PDSS2: variants seen among roughly 807,000 people sequenced by gnomAD.
PDSS2 encodes the protein all trans-polyprenyl-diphosphate synthase PDSS2.
PDSS2 carries 31 observed loss-of-function variants against 44.5 expected under a neutral mutation model. The observed-to-expected ratio is 0.70, with a 90% CI of 0.52 to 0.94. The LOEUF (loss-of-function observed/expected upper bound fraction) is 0.94, where lower values mean the gene tolerates loss of function less well. Among genes scored for constraint, PDSS2 ranks in the 40% least tolerant of loss-of-function variants. PDSS2 has a pLI of 0.00. For synonymous variants in PDSS2, 157 were observed against 180.3 expected, an observed-to-expected ratio of 0.87 and a Z score of 1.03; for missense variants, 452 against 482.2, an observed-to-expected ratio of 0.94 and a Z score of 0.59.
intron 2 of PDSS2, among the ~76,000 whole-genome samples, chr6:107,327,200 A>G (rs1777576073): frequency 6.6e-6 from 1 of 152,166 alleles, no homozygotes; most frequent in Non-Finnish European, 1.5e-5. Context: ...GATGTGGTCC[A>G]GCAGGTCCCT....
Position 107,304,936 on chromosome 6 carries a change from G to A in PDSS2, c.431+29262C>T, listed in dbSNP as rs556031113. On this transcript the variant is annotated intron_variant, in intron 2 of 7. Transcript: ENST00000369037. ...CTCTGGACTTCTGGATGCTCCTCTC[G>A]GTGGTGGGCAATACTTTCCTGCTCC... is the stretch of plus-strand genomic sequence containing the variant. 2.3e-3 allele frequency among the ~76,000 whole-genome samples: 344 copies of A among 151,860 alleles called. 2 individuals carry two copies. The highest frequency in any genetic ancestry group is 7.7e-3 in the African/African-American group (320 of 41,420).
At chr6:107,379,100 T>C (rs1779379484) in intron 1 of PDSS2, among the ~76,000 whole-genome samples, 1 of 152,236 alleles carries the variant, frequency 6.6e-6, no homozygotes, top group African/African-American at 2.4e-5. Flanking sequence ...GGATAGGGTA[T>C]CTATACAAAT....
intron 2 of PDSS2, among the ~76,000 whole-genome samples, chr6:107,304,297 G>A (rs1313847321): frequency 2.6e-5 from 4 of 152,228 alleles, no homozygotes; most frequent in African/African-American, 9.6e-5. Context: ...TCTGGGAGTT[G>A]CCAGAGGCAA....
At chr6:107,258,937 T>C in intron 3 of PDSS2, among the ~76,000 whole-genome samples, 1 of 152,340 alleles carries the variant, frequency 6.6e-6, no homozygotes, top group East Asian at 1.9e-4. Flanking sequence ...CAAAAATGTA[T>C]CATGGTTCTT....
chr6:107,337,399 C>T (rs1777939416), intron 1 of PDSS2, among the ~76,000 whole-genome samples: 1 of 152,158 alleles, frequency 6.6e-6, no homozygotes, highest in Non-Finnish European at 1.5e-5. Context: ...TTCCTTTGTA[C>T]AAAACCATTT....
At chr6:107,402,295 A>G (rs1780132203) in intron 1 of PDSS2, among the ~76,000 whole-genome samples, 1 of 149,820 alleles carries the variant, frequency 6.7e-6, no homozygotes, top group South Asian at 2.1e-4. Context: ...AAAACAAACC[A>G]ACAAACAAAC....
intron 2 of PDSS2, among the ~76,000 whole-genome samples, chr6:107,324,120 A>T (rs1325895613): frequency 6.6e-6 from 1 of 152,224 alleles, no homozygotes; most frequent in African/African-American, 2.4e-5. Flanking sequence ...GCATTTGTGC[A>T]TGCTGTGCAA....
chr6:107,378,844 A>C (rs998978133), intron 1 of PDSS2, among the ~76,000 whole-genome samples: 3 of 152,186 alleles, frequency 2.0e-5, no homozygotes, highest in Non-Finnish European at 4.4e-5. Flanking sequence ...TTCCCTCATG[A>C]TTAGACTGGG....
intron 2 of PDSS2, among the ~76,000 whole-genome samples, chr6:107,284,874 A>T (rs1776090296): frequency 6.6e-6 from 1 of 152,214 alleles, no homozygotes; most frequent in African/African-American, 2.4e-5. Flanking sequence ...CTATGTAAAA[A>T]TATTTTTGCA....
chr6:107,246,586 T>C (rs1336449652), intron 3 of PDSS2, among the ~76,000 whole-genome samples: 5 of 152,196 alleles, frequency 3.3e-5, no homozygotes. Context: ...ATTGAAGACA[T>C]TATTAAGCCA....
chr6:107,299,701 A>G (rs1776631575), intron 2 of PDSS2, among the ~76,000 whole-genome samples: 1 of 152,154 alleles, frequency 6.6e-6, no homozygotes, highest in South Asian at 2.1e-4. Flanking sequence ...GTTTTTCTAA[A>G]TGAAACCCCA....
At chr6:107,295,531 G>A (rs1776483444) in intron 2 of PDSS2, among the ~76,000 whole-genome samples, 1 of 152,106 alleles carries the variant, frequency 6.6e-6, no homozygotes, top group Non-Finnish European at 1.5e-5. Context: ...TATATAGACT[G>A]TTTCATGTAA....
intron 1 of PDSS2, among the ~76,000 whole-genome samples, chr6:107,366,406 T>C (rs1403242834): frequency 2.6e-5 from 4 of 152,004 alleles, no homozygotes; most frequent in Non-Finnish European, 5.9e-5. Flanking sequence ...AGTTATAGCA[T>C]ATTCTGAGGA....
Position 107,251,463 on chromosome 6 carries a change from G to C in PDSS2, c.631-5844C>G, listed in dbSNP as rs553642074. ...GGCACCCCTCAGCCTTTACTGCTTT[G>C]AGCTGCTAGCAAAGAAAACAGTCAT... On this transcript the variant is annotated intron_variant, in intron 3 of 7. Transcript: ENST00000369037. 2.6e-5 allele frequency among the ~76,000 whole-genome samples: 4 copies of C among 152,240 alleles called. No homozygotes were observed. The East Asian group carries it at 7.7e-4, about 29-fold the overall frequency.
chr6:107,454,957 A>G (rs1781988865), intron 1 of PDSS2, among the ~76,000 whole-genome samples: 1 of 152,152 alleles, frequency 6.6e-6, no homozygotes, highest in Admixed American at 6.5e-5. Flanking sequence ...TCCACACCCC[A>G]AAAGTTTCTT....
At chr6:107,451,962 T>C (rs892663158) in intron 1 of PDSS2, among the ~76,000 whole-genome samples, 1 of 152,236 alleles carries the variant, frequency 6.6e-6, no homozygotes, top group Non-Finnish European at 1.5e-5. Context: ...GAACATCTTT[T>C]CATATGCTTA....
At chr6:107,421,113 T>C (rs185081937) in intron 1 of PDSS2, among the ~76,000 whole-genome samples, 1 of 152,286 alleles carries the variant, frequency 6.6e-6, no homozygotes, top group African/African-American at 2.4e-5. Flanking sequence ...TCATTAGGCA[T>C]TAAGGAAATT....
At chr6:107,199,840 T>C (rs926157448) in intron 6 of PDSS2, among the ~76,000 whole-genome samples, 15 of 152,344 alleles carry the variant, frequency 9.8e-5, no homozygotes, top group African/African-American at 3.6e-4. Context: ...GTTTGTGAGC[T>C]AGTATGCAGG....
chr6:107,426,210 C>A (rs367854997), intron 1 of PDSS2, among the ~76,000 whole-genome samples: 28 of 152,284 alleles, frequency 1.8e-4, no homozygotes, highest in South Asian at 8.3e-4. Flanking sequence ...TGCATCCCAG[C>A]TGCTCCAGCC....
Sources: allele counts gnomAD v4.1 joint callset (sites outside exome capture counted in the v4.1 genomes callset), GRCh38; gene constraint gnomAD v4.1.1; transcripts MANE v1.5; gene names NCBI Gene and HGNC (gene_info 2026-07-23, HGNC 2026-07-21).